Variants in ZNF609 observed in about 807,000 individuals in gnomAD.
The protein encoded by ZNF609 is zinc finger protein 609.
In ZNF609, 11 loss-of-function variants were observed where a neutral mutation model predicts 109.5. That is an observed-to-expected ratio of 0.10 (90% CI 0.06 to 0.17). The LOEUF is 0.17. Ranked by LOEUF, ZNF609 falls within the 10% of genes least tolerant of loss-of-function variation. The pLI, the probability that ZNF609 is intolerant of heterozygous loss-of-function variation, is 1.00. For synonymous variants in ZNF609, 646 were observed against 662.0 expected (o/e 0.98, Z 0.37); for missense variants, 1,559 against 1,772.4 (o/e 0.88, Z 2.16).
At chr15:64,681,659 G>A (rs1455965266) in intron 9 of ZNF609, 33 bp from the exon 10 acceptor site, 2 of 353,714 alleles carry the variant, frequency 5.7e-6, no homozygotes, top group African/African-American at 2.0e-5. Context: ...AACAGGCTGA[G>A]TGCCTGGTTA....
At chr15:64,636,866 A>G (rs1330908979) in intron 3 of ZNF609, among the ~76,000 whole-genome samples, 1 of 152,206 alleles carries the variant, frequency 6.6e-6, no homozygotes, top group African/African-American at 2.4e-5. Flanking sequence ...ACTTGTCTAC[A>G]GGAGTCACAA....
chr15:64,533,413 C>T (rs1257498590), intron 2 of ZNF609, among the ~76,000 whole-genome samples: 1 of 152,212 alleles, frequency 6.6e-6, no homozygotes, highest in East Asian at 1.9e-4. Flanking sequence ...GATTTCACAT[C>T]ATCTGGTACT....
At chr15:64,591,589 T>C (rs2140938627) in intron 2 of ZNF609, among the ~76,000 whole-genome samples, 1 of 151,780 alleles carries the variant, frequency 6.6e-6, no homozygotes, top group South Asian at 2.1e-4. Flanking sequence ...TGCAAAGATA[T>C]TTCTCTCAGC....
intron 2 of ZNF609, among the ~76,000 whole-genome samples, chr15:64,553,433 T>C (rs1894519411): frequency 6.6e-6 from 1 of 152,016 alleles, no homozygotes; most frequent in African/African-American, 2.4e-5. Context: ...ATATTTTGTT[T>C]TCAGTGTGTA....
At chr15:64,582,427 T>C (rs1488323029) in intron 2 of ZNF609, among the ~76,000 whole-genome samples, 2 of 152,222 alleles carry the variant, frequency 1.3e-5, no homozygotes, top group Non-Finnish European at 2.9e-5. Flanking sequence ...GAATCTCTGC[T>C]CCGTCAATCC....
intron 1 of ZNF609, among the ~76,000 whole-genome samples, chr15:64,497,327 C>T (rs1893495382): frequency 6.6e-6 from 1 of 152,160 alleles, no homozygotes; most frequent in African/African-American, 2.4e-5. Flanking sequence ...CCCACATCTA[C>T]AGCTAAATGG....
intron 2 of ZNF609, among the ~76,000 whole-genome samples, chr15:64,546,813 C>T (rs1465708436): frequency 1.8e-5 from 2 of 110,986 alleles, no homozygotes; most frequent in Non-Finnish European, 1.8e-5. Flanking sequence ...TTTTTTGAGA[C>T]AGAGTCTCGC....
intron 2 of ZNF609, among the ~76,000 whole-genome samples, chr15:64,586,034 G>C (rs1402883939): frequency 6.6e-6 from 1 of 151,906 alleles, no homozygotes; most frequent in Non-Finnish European, 1.5e-5. Flanking sequence ...GTAGAAATGG[G>C]ATCTTGCCGG....
intron 1 of ZNF609, among the ~76,000 whole-genome samples, chr15:64,487,336 T>G (rs1411400590): frequency 6.6e-6 from 1 of 152,206 alleles, no homozygotes; most frequent in East Asian, 1.9e-4. Flanking sequence ...CAGGACTATG[T>G]TATAGCAAGA....
intron 2 of ZNF609, among the ~76,000 whole-genome samples, chr15:64,591,197 A>G (rs1437407299): frequency 6.6e-6 from 1 of 152,152 alleles, no homozygotes; most frequent in African/African-American, 2.4e-5. Flanking sequence ...TGGGAGACCA[A>G]GGCTGGCGGA....
At chr15:64,514,841 A>G (rs1893783720) in intron 2 of ZNF609, among the ~76,000 whole-genome samples, 1 of 152,042 alleles carries the variant, frequency 6.6e-6, no homozygotes, top group African/African-American at 2.4e-5. Context: ...TTTCACCCAC[A>G]CTTGAGGCTG....
At chr15:64,635,596 A>G (rs1896161470) in intron 3 of ZNF609, among the ~76,000 whole-genome samples, 3 of 152,184 alleles carry the variant, frequency 2.0e-5, no homozygotes, top group Non-Finnish European at 4.4e-5. Context: ...ATTGGTTGTG[A>G]TGAAATCTGC....
chr15:64,489,552 C>T (rs1252388081), intron 1 of ZNF609, among the ~76,000 whole-genome samples: 3 of 119,614 alleles, frequency 2.5e-5, no homozygotes, highest in Non-Finnish European at 3.4e-5. Flanking sequence ...TTTTTTTAGA[C>T]GGAGTCTCGC....
intron 3 of ZNF609, among the ~76,000 whole-genome samples, chr15:64,639,526 T>C (rs889847939): frequency 2.6e-5 from 4 of 152,222 alleles, no homozygotes; most frequent in African/African-American, 7.2e-5. Context: ...CCCAGTCACA[T>C]GGCTGTCTTC....
chr15:64,496,824 T>C (rs1893488818), intron 1 of ZNF609, among the ~76,000 whole-genome samples: 1 of 152,090 alleles, frequency 6.6e-6, no homozygotes, highest in Non-Finnish European at 1.5e-5. Flanking sequence ...TCTTTCTTTT[T>C]TTTTTTTGAG....
intron 2 of ZNF609, among the ~76,000 whole-genome samples, chr15:64,578,510 T>G (rs1269380644): frequency 1.3e-5 from 2 of 152,042 alleles, no homozygotes; most frequent in Non-Finnish European, 2.9e-5. Flanking sequence ...CTGACCAACA[T>G]GGTGAATCCC....
At chr15:64,672,015 T>TC (rs968197029) in intron 4 of ZNF609, among the ~76,000 whole-genome samples, 3 of 139,098 alleles carry the variant, frequency 2.2e-5, no homozygotes, top group Non-Finnish European at 4.7e-5. Flanking sequence ...ACTTTTTTTT[T>TC]TTTTTTTTTT....
chr15:64,494,138 G>A (rs1338883080), intron 1 of ZNF609, among the ~76,000 whole-genome samples: 3 of 152,100 alleles, frequency 2.0e-5, no homozygotes, highest in African/African-American at 7.2e-5. Flanking sequence ...AGAACATCAG[G>A]ACCACCAAAG....
At chr15:64,673,885 T>A (rs1896769478) in intron 4 of ZNF609, 31 bp from the exon 5 acceptor site, 7 of 1,581,250 alleles carry the variant, frequency 4.4e-6, no homozygotes, top group Non-Finnish European at 4.3e-6. Flanking sequence ...CTCTTCTTAA[T>A]AATATTCTGT....
Sources: allele counts gnomAD v4.1 joint callset (sites outside exome capture counted in the v4.1 genomes callset), GRCh38; gene constraint gnomAD v4.1.1; transcripts MANE v1.5; gene names NCBI Gene and HGNC (gene_info 2026-07-23, HGNC 2026-07-21).